The following MAP3K5 variants were observed in gnomAD, a reference collection of about 807,000 sequenced individuals.
The protein encoded by MAP3K5 is ASK-1.
A neutral mutation model predicts 158.7 loss-of-function variants in MAP3K5; 56 were observed. That is an observed-to-expected ratio of 0.35 (90% CI 0.28 to 0.44). The LOEUF is 0.44. MAP3K5 is among the 20% of genes least tolerant of loss of function. The pLI is 1.00. For missense variants in MAP3K5, 1,294 were observed against 1,674.8 expected, an observed-to-expected ratio of 0.77 and a Z score of 3.97; for synonymous variants, 579 against 601.7, an observed-to-expected ratio of 0.96 and a Z score of 0.55.
intron 20 of MAP3K5, 106 bp from the exon 21 acceptor site, chr6:136,601,148 C>A: frequency 2.0e-6 from 2 of 1,011,042 alleles, no homozygotes; most frequent in South Asian, 1.4e-5. Context: ...AATGTCCTTT[C>A]CAAACATTCA....
intron 7 of MAP3K5, among the ~76,000 whole-genome samples, chr6:136,673,710 GA>G (rs74273362): frequency 0.21 from 22,566 of 107,640 alleles, 2,464 homozygotes; most frequent in African/African-American, 0.37. Context: ...CAGAGATATA[GA>G]AAAAAAAAAA....
intron 7 of MAP3K5, among the ~76,000 whole-genome samples, chr6:136,679,433 A>T (rs1004392355): frequency 1.3e-5 from 2 of 152,052 alleles, no homozygotes; most frequent in Non-Finnish European, 2.9e-5. Flanking sequence ...TTAGAATTTC[A>T]TGTTTTTTTT....
At chr6:136,620,184 T>C (rs1776739860) in intron 15 of MAP3K5, among the ~76,000 whole-genome samples, 1 of 152,114 alleles carries the variant, frequency 6.6e-6, no homozygotes, top group Non-Finnish European at 1.5e-5. Flanking sequence ...GCATGAGCAT[T>C]GCTTGAACTC....
At chr6:136,695,035 T>C (rs1258996726) in intron 6 of MAP3K5, among the ~76,000 whole-genome samples, 3 of 151,634 alleles carry the variant, frequency 2.0e-5, no homozygotes, top group African/African-American at 7.3e-5. Context: ...TTGCCTAGAG[T>C]TGGGGGATTT....
intron 15 of MAP3K5, among the ~76,000 whole-genome samples, chr6:136,616,722 ATG>A (rs1198351761): frequency 6.6e-6 from 1 of 151,850 alleles, no homozygotes; most frequent in East Asian, 1.9e-4. Flanking sequence ...GATGATGATG[ATG>A]ATGATGGTGA....
At chr6:136,790,738 A>T (rs548297722) in intron 1 of MAP3K5, among the ~76,000 whole-genome samples, 1 of 152,328 alleles carries the variant, frequency 6.6e-6, no homozygotes, top group South Asian at 2.1e-4. Context: ...AAACTACTAA[A>T]CCAAGTTTTT....
chr6:136,614,038 T>A, intron 16 of MAP3K5, 121 bp downstream of exon 16: 2 of 1,010,210 alleles, frequency 2.0e-6, no homozygotes, highest in Non-Finnish European at 2.8e-6. Flanking sequence ...TAATGTCACA[T>A]GTCCAATTTT....
At chr6:136,608,191 G>A (rs1332340752) in intron 18 of MAP3K5, among the ~76,000 whole-genome samples, 1 of 152,062 alleles carries the variant, frequency 6.6e-6, no homozygotes, top group Non-Finnish European at 1.5e-5. Flanking sequence ...AGGAAATGGG[G>A]TCTGAAAGGG....
intron 7 of MAP3K5, among the ~76,000 whole-genome samples, chr6:136,689,524 T>C (rs1453071069): frequency 6.6e-6 from 1 of 152,130 alleles, no homozygotes; most frequent in Admixed American, 6.6e-5. Context: ...GGAAGCTTAA[T>C]CCCCAATGCA....
At chr6:136,599,170 G>GC in intron 21 of MAP3K5, among the ~76,000 whole-genome samples, 1 of 24,898 alleles carries the variant, frequency 4.0e-5, no homozygotes, top group East Asian at 6.9e-4. Flanking sequence ...AAAAAAAAAG[G>GC]GGGGGGGGGC....
Position 136,792,007 on chromosome 6 carries a change from G to A in MAP3K5, c.151C>T (p.Pro51Ser), listed in dbSNP as rs777998478. 1 of 1,573,694 alleles carries A rather than the reference G, an allele frequency of 6.4e-7. No individual in the cohort carries two copies. Among genetic ancestry groups the A allele is most frequent in the Non-Finnish European group, 8.6e-7 (1 of 1,159,414 alleles). ...CTCTCCACGTTCCAGAAGCTGCCCGGCGGCGGCGGTGGCAGCTGGTGCTCC... is the reference window on the plus strand; with the variant it reads ...CTCTCCACGTTCCAGAAGCTGCCCGACGGCGGCGGTGGCAGCTGGTGCTCC... ...GEEHQLPPPP[P>S]GSFWNVESAA... Residue 51 changes from proline (P) to serine (S), a missense_variant, in exon 1 of 30, where the codon CCG becomes TCG. Pro to Ser is a moderately conservative substitution (Grantham distance 74). Transcript: ENST00000359015. This position sits in a 1 kb window ranked among gnomAD's most constrained non-coding sequence, Gnocchi z 5.7.
chr6:136,562,408 C>T (rs931661652), intron 27 of MAP3K5, 95 bp downstream of exon 27: 33 of 562,290 alleles, frequency 5.9e-5, no homozygotes, highest in Non-Finnish European at 8.1e-5. Flanking sequence ...GTGAGAAATG[C>T]TGACTTAGCC....
rs980288384 is a variant in MAP3K5, at chr6:136,572,572, T to G, written c.3518-4698A>C. Among the ~76,000 whole-genome samples, 69 of 152,240 alleles carry G rather than the reference T, an allele frequency of 4.5e-4. 1 individual carries two copies. The highest frequency in any genetic ancestry group is 1.5e-3 in the African/African-American group (62 of 41,462). ...ATGCCCAGCCCTAAACTGAAAGGTT[T>G]GTAGTCCTGTTGACTATAATCTCAC... On this transcript the variant is annotated intron_variant, in intron 25 of 29. Transcript: ENST00000359015.
intron 1 of MAP3K5, among the ~76,000 whole-genome samples, chr6:136,752,953 C>T (rs1482122840): frequency 6.6e-6 from 1 of 152,182 alleles, no homozygotes; most frequent in Non-Finnish European, 1.5e-5. Context: ...CTCCTTCACA[C>T]CACTCAGGCC....
intron 1 of MAP3K5, among the ~76,000 whole-genome samples, chr6:136,787,526 T>C (rs186172769): frequency 7.9e-5 from 12 of 152,384 alleles, no homozygotes; most frequent in Admixed American, 7.8e-4. Flanking sequence ...TTTCTGAGGC[T>C]TTAAATGACT....
chr6:136,757,129 G>A (rs924703762), intron 1 of MAP3K5, among the ~76,000 whole-genome samples: 2 of 152,196 alleles, frequency 1.3e-5, no homozygotes, highest in Admixed American at 6.5e-5. Context: ...GGAAGGTGTC[G>A]TAGGGTTCCA....
intron 15 of MAP3K5, among the ~76,000 whole-genome samples, chr6:136,620,929 T>C (rs1776769250): frequency 1.3e-5 from 2 of 152,248 alleles, no homozygotes; most frequent in African/African-American, 4.8e-5. Context: ...TTCAGTTTCC[T>C]GAACATTTTT....
At chr6:136,733,710 C>T (rs1461959529) in intron 1 of MAP3K5, among the ~76,000 whole-genome samples, 1 of 148,416 alleles carries the variant, frequency 6.7e-6, no homozygotes, top group African/African-American at 2.6e-5. Context: ...ATACCTGATG[C>T]CCTCACACAC....
chr6:136,737,035 G>GTATA (rs1452375249), intron 1 of MAP3K5, among the ~76,000 whole-genome samples: 3 of 118,720 alleles, frequency 2.5e-5, no homozygotes, highest in Non-Finnish European at 4.6e-5. Flanking sequence ...ATATATGTGT[G>GTATA]TGTATATATA....
Sources: allele counts gnomAD v4.1 joint callset (sites outside exome capture counted in the v4.1 genomes callset), GRCh38; gene constraint gnomAD v4.1.1; non-coding constraint Gnocchi (gnomAD v3.1); transcripts MANE v1.5; gene names NCBI Gene and HGNC (gene_info 2026-07-23, HGNC 2026-07-21).